The following DOCK9 variants were observed in gnomAD, a reference collection of about 807,000 sequenced individuals.
DOCK9 encodes the protein dedicator of cytokinesis protein 9.
Under a neutral mutation model 263.3 loss-of-function variants are expected in DOCK9, and 89 were observed. That is an observed-to-expected ratio of 0.34 (90% CI 0.28 to 0.40). The LOEUF (loss-of-function observed/expected upper bound fraction) is 0.40. Among genes scored for constraint, DOCK9 ranks in the 10% least tolerant of loss-of-function variants. DOCK9 has a pLI of 1.00. For missense variants in DOCK9, 2,140 were observed against 2,603.4 expected, an observed-to-expected ratio of 0.82 and a Z score of 3.87; for synonymous variants, 976 against 973.1, an observed-to-expected ratio of 1.00 and a Z score of -0.06.
At chr13:98,853,285 A>AAG in intron 35 of DOCK9, 123 bp downstream of exon 35, 1 of 612,382 alleles carries the variant, frequency 1.6e-6, no homozygotes, top group African/African-American at 1.9e-5. Flanking sequence ...TTAGTCAATG[A>AAG]ATATGCATTT....
intron 1 of DOCK9, among the ~76,000 whole-genome samples, chr13:99,083,298 C>T (rs1232663765): frequency 6.6e-6 from 1 of 151,960 alleles, no homozygotes; most frequent in Non-Finnish European, 1.5e-5. Flanking sequence ...AAGAGCTAAC[C>T]ATGTTTGACA....
intron 1 of DOCK9, among the ~76,000 whole-genome samples, chr13:99,005,197 C>T (rs559579259): frequency 9.2e-5 from 14 of 152,126 alleles, no homozygotes; most frequent in African/African-American, 3.4e-4. Context: ...ATTTTATGAA[C>T]AGGCTATTTA....
intron 15 of DOCK9, among the ~76,000 whole-genome samples, chr13:98,896,489 CAA>C (rs35867799): frequency 1.0e-3 from 92 of 91,846 alleles, no homozygotes; most frequent in African/African-American, 3.4e-3. Flanking sequence ...TTGATATGCA[CAA>C]AAAAAAAAAA....
At chr13:99,051,629 AGGAAT>A (rs747559059) in intron 1 of DOCK9, among the ~76,000 whole-genome samples, 1 of 152,162 alleles carries the variant, frequency 6.6e-6, no homozygotes, top group Non-Finnish European at 1.5e-5. Context: ...CAAGCAAAGC[AGGAAT>A]GTGAATGATG....
Position 98,883,083 on chromosome 13 carries a change from C to A in DOCK9, c.2518G>T (p.Gly840Ter). 1 of 1,613,926 alleles carries A rather than the reference C, an allele frequency of 6.2e-7. No individual in the cohort carries two copies. Among genetic ancestry groups the A allele is most frequent in the African/African-American group, 1.3e-5 (1 of 75,044 alleles). ...FFQYCQKTES[G>*]AQALGNELVK... is the part of the protein sequence containing the mutation. Reference sequence around the variant, plus strand: ...AGTTCGTTTCCTAAGGCTTGGGCTCCAGATTCGGTTTTCTGACAGTACTGG... The same window carrying A: ...AGTTCGTTTCCTAAGGCTTGGGCTCAAGATTCGGTTTTCTGACAGTACTGG... Residue 840 changes from glycine to a stop codon, truncating the protein, a stop_gained, in exon 23 of 53, where the codon GGA becomes TGA. Coordinates refer to ENST00000682017, the MANE Select transcript of DOCK9 (RefSeq NM_001366683.2). LOFTEE classifies it high-confidence loss of function.
intron 34 of DOCK9, among the ~76,000 whole-genome samples, chr13:98,854,058 T>C (rs1371602907): frequency 1.3e-5 from 2 of 151,968 alleles, no homozygotes; most frequent in Non-Finnish European, 2.9e-5. Context: ...GGGAACACAA[T>C]AGGCAGGTGC....
intron 13 of DOCK9, among the ~76,000 whole-genome samples, chr13:98,898,515 T>C (rs1259871808): frequency 6.6e-6 from 1 of 152,238 alleles, no homozygotes; most frequent in African/African-American, 2.4e-5. Flanking sequence ...TTCTTTGGTC[T>C]TTACGGGCAA....
intron 39 of DOCK9, 81 bp downstream of exon 39, chr13:98,837,413 A>G (rs1462488666): frequency 1.1e-6 from 1 of 899,824 alleles, no homozygotes; most frequent in Non-Finnish European, 1.8e-6. Context: ...GCAACATAGT[A>G]AGTTTGTGCT....
intron 1 of DOCK9, among the ~76,000 whole-genome samples, chr13:98,987,150 T>C (rs940601405): frequency 4.6e-5 from 7 of 152,172 alleles, no homozygotes; most frequent in East Asian, 1.9e-4. Context: ...AAAGATTTGA[T>C]TTTAAATGTT....
chr13:98,825,206 C>A lies in DOCK9; in HGVS notation c.5024-702G>T, dbSNP rs762532665. On this transcript the variant is annotated intron_variant, in intron 44 of 52. Coordinates refer to ENST00000682017, the MANE Select transcript of DOCK9 (RefSeq NM_001366683.2). This position sits in a 1 kb window ranked among gnomAD's most constrained non-coding sequence, Gnocchi z 4.1. Reference sequence around the variant, plus strand: ...TTAAGCAATGACAGCCCATTTGGGACCTTTCCTCGTCTTAGAGTCACTGGA... The same window carrying A: ...TTAAGCAATGACAGCCCATTTGGGAACTTTCCTCGTCTTAGAGTCACTGGA... Among the ~76,000 whole-genome samples, 2 of 152,184 alleles carry A rather than the reference C, an allele frequency of 1.3e-5. No individual in the cohort carries two copies. The highest frequency in any genetic ancestry group is 2.9e-5 in the Non-Finnish European group (2 of 68,034).
intron 1 of DOCK9, among the ~76,000 whole-genome samples, chr13:99,079,361 GC>G (rs1404885576): frequency 5.9e-5 from 9 of 152,204 alleles, no homozygotes; most frequent in African/African-American, 2.2e-4. Context: ...TCAAGACTCA[GC>G]CCCCATACCT....
At chr13:99,015,616 G>C in intron 1 of DOCK9, 2 of 1,581,316 alleles carry the variant, frequency 1.3e-6, no homozygotes, top group Non-Finnish European at 1.7e-6. Flanking sequence ...CATCCCCAAG[G>C]TGTGGATGTT....
At chr13:99,005,850 G>GTGGCTATT (rs1173352475) in intron 1 of DOCK9, among the ~76,000 whole-genome samples, 2 of 152,086 alleles carry the variant, frequency 1.3e-5, no homozygotes, top group Non-Finnish European at 2.9e-5. Context: ...ATGTGGCTAT[G>GTGGCTATT]TGGCAATAAA....
chr13:99,070,443 T>A (rs2041619745), intron 1 of DOCK9, among the ~76,000 whole-genome samples: 1 of 152,270 alleles, frequency 6.6e-6, no homozygotes, highest in South Asian at 2.1e-4. Flanking sequence ...CACGCATTTC[T>A]GCTTACTGCG....
intron 15 of DOCK9, among the ~76,000 whole-genome samples, chr13:98,895,422 TTTGGGAGG>T: frequency 6.6e-6 from 1 of 152,086 alleles, no homozygotes; most frequent in Non-Finnish European, 1.5e-5. Flanking sequence ...ATCCCAGCAC[TTTGGGAGG>T]CTGAGGCGGG....
chr13:99,020,042 C>T (rs1566310340), intron 1 of DOCK9, among the ~76,000 whole-genome samples: 1 of 152,088 alleles, frequency 6.6e-6, no homozygotes, highest in Non-Finnish European at 1.5e-5. Flanking sequence ...GTGGAGGTTG[C>T]AGTGAGCTGA....
rs140362045 is a variant in DOCK9 at position 98,965,612 on chromosome 13, C to T, written c.127-10061G>A. Among the ~76,000 whole-genome samples the T allele has an allele frequency of 7.2e-4, 109 of 152,274 alleles. 1 individual carries two copies. Among genetic ancestry groups the T allele is most frequent in the Admixed American group, 4.6e-3 (70 of 15,310 alleles). ...GATCTTGTCTCAGCCCGTACTAAAA[C>T]GATGCCTACATTTTAATTTTGCACT... On this transcript the variant is annotated intron_variant, in intron 1 of 52. Coordinates refer to ENST00000682017, the MANE Select transcript of DOCK9 (RefSeq NM_001366683.2).
chr13:98,843,808 A>G (rs776258307), intron 38 of DOCK9, among the ~76,000 whole-genome samples: 2 of 152,186 alleles, frequency 1.3e-5, no homozygotes, highest in African/African-American at 2.4e-5. Context: ...CTCTCCTCCA[A>G]TTCAAGTTAC....
At chr13:98,826,025 A>AT (rs2092520819) in intron 44 of DOCK9, 1 of 1,216,128 alleles carries the variant, frequency 8.2e-7, no homozygotes, top group African/African-American at 1.6e-5. Context: ...CCCTTTCAAA[A>AT]TTTTTCTCTT....
Sources: allele counts gnomAD v4.1 joint callset (sites outside exome capture counted in the v4.1 genomes callset), GRCh38; gene constraint gnomAD v4.1.1; non-coding constraint Gnocchi (gnomAD v3.1); transcripts MANE v1.5; gene names NCBI Gene and HGNC (gene_info 2026-07-23, HGNC 2026-07-21).